Variants in VAV3 observed in about 807,000 individuals in gnomAD.
VAV3 encodes the protein guanine nucleotide exchange factor VAV3.
In VAV3, 94 loss-of-function variants were observed where a neutral mutation model predicts 131.2. That is an observed-to-expected ratio of 0.72 (90% CI 0.61 to 0.85). The LOEUF (loss-of-function observed/expected upper bound fraction) is 0.85, where lower values mean the gene tolerates loss of function less well. Among genes scored for constraint, VAV3 ranks in the 40% least tolerant of loss-of-function variants. The pLI is 0.00. For missense variants in VAV3, 939 were observed against 1,002.7 expected (o/e 0.94, Z 0.86); for synonymous variants, 349 against 342.0 (o/e 1.02, Z -0.22).
At chr1:107,607,416 G>C (rs1433511349) in intron 22 of VAV3, among the ~76,000 whole-genome samples, 1 of 152,170 alleles carries the variant, frequency 6.6e-6, no homozygotes, top group Non-Finnish European at 1.5e-5. Flanking sequence ...AGCTGTCACA[G>C]TGCTGAAACT....
At chr1:107,885,673 A>AT (rs1671001363) in intron 1 of VAV3, among the ~76,000 whole-genome samples, 1 of 152,020 alleles carries the variant, frequency 6.6e-6, no homozygotes, top group African/African-American at 2.4e-5. Context: ...CTTACCTGAT[A>AT]CAGGTAAGTA....
At chr1:107,588,367 G>A (rs561111089) in intron 25 of VAV3, among the ~76,000 whole-genome samples, 2 of 152,314 alleles carry the variant, frequency 1.3e-5, no homozygotes, top group Admixed American at 6.5e-5. Flanking sequence ...ATAGAAGTAG[G>A]AAACCAAAGT....
chr1:107,607,221 G>A (rs1652351899), intron 22 of VAV3, among the ~76,000 whole-genome samples: 1 of 152,122 alleles, frequency 6.6e-6, no homozygotes, highest in East Asian at 1.9e-4. Flanking sequence ...CAAAGTGCAG[G>A]GATTACAGGC....
chr1:107,722,054 G>T (rs949323828), intron 15 of VAV3, among the ~76,000 whole-genome samples: 5 of 152,194 alleles, frequency 3.3e-5, no homozygotes, highest in Non-Finnish European at 7.4e-5. Flanking sequence ...TATTCTGGTG[G>T]TTAGTATCTG....
In VAV3 at chr1:107,704,494, T is replaced by C. The variant is rs1570786871; in HGVS notation, c.1705+56A>G. 17 of 1,412,048 alleles carry C rather than the reference T, an allele frequency of 1.2e-5. No individual in the cohort carries two copies. The East Asian group carries it at 3.9e-4, about 32-fold the overall frequency. 87.5% of individuals were successfully genotyped at this position (1,412,048 alleles called of 1,614,324 possible). On this transcript the variant is annotated intron_variant, in intron 17 of 26. Coordinates refer to ENST00000370056, the MANE Select transcript of VAV3 (RefSeq NM_006113.5). Reference sequence around the variant, plus strand: ...AGAGTAAATTAGGCCTTAATTATGTTTAGCAAATTTTATGTCCTCATTAAA... The same window carrying C: ...AGAGTAAATTAGGCCTTAATTATGTCTAGCAAATTTTATGTCCTCATTAAA...
At chr1:107,888,837 T>G (rs1396874130) in intron 1 of VAV3, among the ~76,000 whole-genome samples, 1 of 152,186 alleles carries the variant, frequency 6.6e-6, no homozygotes, top group African/African-American at 2.4e-5. Flanking sequence ...CATTCTATTT[T>G]CTGTCTATAT....
chr1:107,964,975 G>C lies in VAV3; in HGVS notation c.-106C>G, dbSNP rs944780650. Reference sequence around the variant, plus strand: ...CGCCCCGCCGACGCCAACAGCCGCCGGCCCTTTCCCCGCGCGGGATCGAGG... The same window carrying C: ...CGCCCCGCCGACGCCAACAGCCGCCCGCCCTTTCCCCGCGCGGGATCGAGG... On this transcript the variant is annotated 5_prime_UTR_variant, in exon 1 of 27. Coordinates refer to ENST00000370056, the MANE Select transcript of VAV3 (RefSeq NM_006113.5). The C allele has an allele frequency of 9.1e-6, 9 of 987,308 alleles. No individual in the cohort carries two copies. Among genetic ancestry groups the C allele is most frequent in the South Asian group, 1.0e-4 (2 of 20,040 alleles). 61.2% of individuals were successfully genotyped at this position (987,308 alleles called of 1,614,324 possible).
intron 1 of VAV3, among the ~76,000 whole-genome samples, chr1:107,949,361 A>C (rs1251364267): frequency 6.6e-6 from 1 of 151,908 alleles, no homozygotes; most frequent in African/African-American, 2.4e-5. Context: ...TCCAGGCTGG[A>C]GTGCAGTGGC....
intron 1 of VAV3, among the ~76,000 whole-genome samples, chr1:107,958,280 T>C (rs1296193312): frequency 6.6e-6 from 1 of 152,214 alleles, no homozygotes; most frequent in African/African-American, 2.4e-5. Context: ...CCCAAAAATC[T>C]GTAAGTCACA....
At chr1:107,853,876 C>G (rs1227942550) in intron 2 of VAV3, among the ~76,000 whole-genome samples, 1 of 152,192 alleles carries the variant, frequency 6.6e-6, no homozygotes, top group Non-Finnish European at 1.5e-5. Flanking sequence ...TATTTATGAG[C>G]TAACTTTCTA....
chr1:107,610,695 C>G (rs773504449), intron 21 of VAV3, among the ~76,000 whole-genome samples: 1 of 151,976 alleles, frequency 6.6e-6, no homozygotes, highest in Non-Finnish European at 1.5e-5. Flanking sequence ...AGAAAGAAAA[C>G]TTGTAGCTGC....
At chr1:107,600,437 G>A (rs557370313) in intron 24 of VAV3, among the ~76,000 whole-genome samples, 3 of 151,986 alleles carry the variant, frequency 2.0e-5, no homozygotes, top group East Asian at 1.9e-4. Context: ...CCTTTAACAC[G>A]CTGTGATACG....
chr1:107,735,256 G>A (rs1260790251), intron 15 of VAV3, among the ~76,000 whole-genome samples: 1 of 152,092 alleles, frequency 6.6e-6, no homozygotes, highest in Non-Finnish European at 1.5e-5. Flanking sequence ...GAGAAAGCAG[G>A]AAAGATCTAA....
chr1:107,908,322 T>TG (rs1334404532), intron 1 of VAV3, among the ~76,000 whole-genome samples: 2 of 152,216 alleles, frequency 1.3e-5, no homozygotes, highest in Non-Finnish European at 2.9e-5. Context: ...ACTGTAGGGC[T>TG]ATAGGTGGCT....
At chr1:107,881,436 T>C (rs1670774135) in intron 1 of VAV3, among the ~76,000 whole-genome samples, 1 of 152,110 alleles carries the variant, frequency 6.6e-6, no homozygotes, top group South Asian at 2.1e-4. Context: ...TTGGGGGACA[T>C]AGTATGTGAA....
At chr1:107,783,386 T>C (rs1665803272) in intron 2 of VAV3, among the ~76,000 whole-genome samples, 1 of 152,058 alleles carries the variant, frequency 6.6e-6, no homozygotes, top group Non-Finnish European at 1.5e-5. Flanking sequence ...GGAACCAAGA[T>C]GGCTGCAGTA....
chr1:107,843,872 T>G (rs948591696), intron 2 of VAV3, among the ~76,000 whole-genome samples: 1 of 152,016 alleles, frequency 6.6e-6, no homozygotes, highest in African/African-American at 2.4e-5. Flanking sequence ...AAGAAGATGA[T>G]TCTTCCTGGA....
At chr1:107,684,023 A>C (rs1031501230) in intron 18 of VAV3, among the ~76,000 whole-genome samples, 34 of 152,312 alleles carry the variant, frequency 2.2e-4, no homozygotes, top group Admixed American at 1.0e-3. Flanking sequence ...CCAACACTTA[A>C]ATGAGAATAG....
intron 19 of VAV3, among the ~76,000 whole-genome samples, chr1:107,663,455 A>C (rs1657185025): frequency 6.6e-6 from 1 of 152,176 alleles, no homozygotes; most frequent in Non-Finnish European, 1.5e-5. Flanking sequence ...AACTTTCTCT[A>C]GATTTTTGAA....
Sources: allele counts gnomAD v4.1 joint callset (sites outside exome capture counted in the v4.1 genomes callset), GRCh38; gene constraint gnomAD v4.1.1; transcripts MANE v1.5; gene names NCBI Gene and HGNC (gene_info 2026-07-23, HGNC 2026-07-21).